The following LHFPL3 variants were observed in gnomAD, a reference collection of about 807,000 sequenced individuals.
LHFPL3 encodes the protein LHFPL tetraspan subfamily member 3.
A neutral mutation model predicts 19.3 loss-of-function variants in LHFPL3; 5 were observed. That is an observed-to-expected ratio of 0.26 (90% CI 0.14 to 0.54). The LOEUF is 0.54. Ranked by LOEUF, LHFPL3 falls within the 20% of genes least tolerant of loss-of-function variation. The pLI, the probability that LHFPL3 is intolerant of heterozygous loss-of-function variation, is 0.94. For synonymous variants in LHFPL3, 133 were observed against 126.2 expected (o/e 1.05, Z -0.36); for missense variants, 249 against 307.4 (o/e 0.81, Z 1.42).
At chr7:104,667,569 G>C (rs1792380766) in intron 1 of LHFPL3, among the ~76,000 whole-genome samples, 1 of 152,158 alleles carries the variant, frequency 6.6e-6, no homozygotes, top group South Asian at 2.1e-4. Flanking sequence ...TTCCTATAAA[G>C]CCTCCATAGC....
intron 1 of LHFPL3, among the ~76,000 whole-genome samples, chr7:104,408,297 T>C (rs1291586032): frequency 6.6e-6 from 1 of 152,222 alleles, no homozygotes; most frequent in Non-Finnish European, 1.5e-5. Flanking sequence ...AGAATCCCTT[T>C]GTTATTCAAT....
At chr7:104,573,009 A>G (rs1339849366) in intron 1 of LHFPL3, among the ~76,000 whole-genome samples, 3 of 151,420 alleles carry the variant, frequency 2.0e-5, no homozygotes, top group African/African-American at 7.4e-5. Flanking sequence ...TGACATTTAC[A>G]TTAACAATCT....
chr7:104,583,714 T>A (rs897299064), intron 1 of LHFPL3, among the ~76,000 whole-genome samples: 2 of 151,960 alleles, frequency 1.3e-5, no homozygotes, highest in African/African-American at 4.8e-5. Context: ...AAAATGCTCA[T>A]CATCACTGGC....
chr7:104,772,955 A>AGAT lies in LHFPL3; in HGVS notation c.682+36046_682+36048dup, dbSNP rs1489578556. On this transcript the variant is annotated intron_variant, in intron 2 of 2. Transcript: ENST00000424859. ...AACAAGAATGTCAGCTTGCTGCAAG[A>AGAT]GATGTGCTTGCTGACAGCAACACAA... is the stretch of plus-strand genomic sequence containing the variant. 2.0e-5 allele frequency among the ~76,000 whole-genome samples: 3 copies of AGAT among 152,236 alleles called. No homozygotes were observed. The East Asian group carries it at 5.8e-4, about 29-fold the overall frequency.
chr7:104,411,993 A>C (rs1791543434), intron 1 of LHFPL3, among the ~76,000 whole-genome samples: 1 of 152,190 alleles, frequency 6.6e-6, no homozygotes, highest in African/African-American at 2.4e-5. Context: ...CCAAGCTTCA[A>C]GAGAACAGAA....
chr7:104,484,389 T>C (rs1256467150), intron 1 of LHFPL3, among the ~76,000 whole-genome samples: 1 of 152,182 alleles, frequency 6.6e-6, no homozygotes, highest in Non-Finnish European at 1.5e-5. Context: ...CTTCTCAGCA[T>C]GGCCATTGCT....
chr7:104,374,253 T>TA (rs1584275291), intron 1 of LHFPL3, among the ~76,000 whole-genome samples: 2 of 151,670 alleles, frequency 1.3e-5, no homozygotes, highest in South Asian at 2.1e-4. Context: ...TACATATATA[T>TA]TTTTTTTAAG....
chr7:104,648,579 A>G (rs1186508419), intron 1 of LHFPL3, among the ~76,000 whole-genome samples: 1 of 152,222 alleles, frequency 6.6e-6, no homozygotes, highest in African/African-American at 2.4e-5. Flanking sequence ...GCTAGAAACA[A>G]GCTTCTCTGA....
intron 1 of LHFPL3, among the ~76,000 whole-genome samples, chr7:104,457,350 A>G (rs567697775): frequency 2.0e-5 from 3 of 146,580 alleles, no homozygotes; most frequent in Non-Finnish European, 3.0e-5. Context: ...ATTCCCACCT[A>G]TGAGTGAGAA....
intron 1 of LHFPL3, among the ~76,000 whole-genome samples, chr7:104,543,207 C>T (rs1018611632): frequency 1.3e-5 from 2 of 152,058 alleles, no homozygotes; most frequent in Admixed American, 6.6e-5. Context: ...CTAATGCATG[C>T]AGGCCTTAAC....
At chr7:104,517,692 G>T (rs1793948533) in intron 1 of LHFPL3, among the ~76,000 whole-genome samples, 1 of 151,970 alleles carries the variant, frequency 6.6e-6, no homozygotes, top group Admixed American at 6.6e-5. Context: ...ATTTTTAGTA[G>T]ATACAGAATT....
In LHFPL3 at chr7:104,497,186, C is replaced by G. The variant is rs576003999; in HGVS notation, c.445+167962C>G. Among the ~76,000 whole-genome samples, 28 of 151,670 alleles carry G rather than the reference C, an allele frequency of 1.8e-4. No homozygotes were observed. In the South Asian group the frequency reaches 5.4e-3, roughly 29 times the overall value. ...CTGACAAAACAAAAAAAAAAGCATT[C>G]TTCCCAGAGCATGTCTTATGCATTG... On this transcript the variant is annotated intron_variant, in intron 1 of 2. Coordinates refer to ENST00000424859, the MANE Select transcript of LHFPL3 (RefSeq NM_199000.3).
chr7:104,859,900 A>G (rs1791582005), intron 2 of LHFPL3, among the ~76,000 whole-genome samples: 2 of 152,192 alleles, frequency 1.3e-5, no homozygotes, highest in South Asian at 4.1e-4. Flanking sequence ...TATCACTGGT[A>G]GGAGATGTTG....
chr7:104,406,583 C>G (rs1791416940), intron 1 of LHFPL3, among the ~76,000 whole-genome samples: 1 of 152,208 alleles, frequency 6.6e-6, no homozygotes, highest in Admixed American at 6.5e-5. Flanking sequence ...TAACCCGGGT[C>G]TTCTGATCCC....
At chr7:104,606,263 T>A (rs1286522611) in intron 1 of LHFPL3, among the ~76,000 whole-genome samples, 1 of 152,226 alleles carries the variant, frequency 6.6e-6, no homozygotes, top group African/African-American at 2.4e-5. Flanking sequence ...CACTTCAGTG[T>A]GCTCCACTCT....
intron 1 of LHFPL3, among the ~76,000 whole-genome samples, chr7:104,585,480 AACACACACAC>A (rs57028058): frequency 1.5e-4 from 19 of 123,460 alleles, no homozygotes; most frequent in Admixed American, 4.2e-4. Context: ...AACACACACA[AACACACACAC>A]ACACACACAC....
At chr7:104,621,897 C>T (rs1193605284) in intron 1 of LHFPL3, among the ~76,000 whole-genome samples, 2 of 152,140 alleles carry the variant, frequency 1.3e-5, no homozygotes, top group East Asian at 3.9e-4. Context: ...CCCCATCTTC[C>T]TGCCTTTTAG....
intron 1 of LHFPL3, among the ~76,000 whole-genome samples, chr7:104,608,818 C>T (rs931602411): frequency 6.6e-6 from 1 of 152,136 alleles, no homozygotes; most frequent in Non-Finnish European, 1.5e-5. Context: ...GCTTGATCCA[C>T]CTACGTGGAC....
chr7:104,421,256 A>G (rs60938831), intron 1 of LHFPL3, among the ~76,000 whole-genome samples: 16,212 of 152,270 alleles, frequency 0.11, 1,015 homozygotes, highest in East Asian at 0.26. Flanking sequence ...TAAACAGTAA[A>G]AAAGGATAGC....
Sources: gnomAD v4.1 joint callset for allele counts (sites outside exome capture counted in the v4.1 genomes callset) on GRCh38, gnomAD v4.1.1 for gene constraint, MANE v1.5 for transcripts, NCBI Gene and HGNC (gene_info 2026-07-23, HGNC 2026-07-21) for gene names.